GLCE: variants seen among roughly 807,000 people sequenced by gnomAD.
The protein encoded by GLCE is D-glucuronyl C5-epimerase.
Under a neutral mutation model 47.9 loss-of-function variants are expected in GLCE, and 19 were observed. The observed-to-expected ratio is 0.40, with a 90% CI of 0.28 to 0.58. GLCE has a LOEUF of 0.58. GLCE is among the 20% of genes least tolerant of loss of function. The pLI, the probability that GLCE is intolerant of heterozygous loss-of-function variation, is 0.48. For synonymous variants in GLCE, 245 were observed against 263.4 expected (o/e 0.93, Z 0.68); for missense variants, 556 against 743.3 (o/e 0.75, Z 2.93).
rs1468265565 is a variant in GLCE, at chr15:69,256,184, C to A, written c.378C>A (p.Val126=). 1.9e-6 allele frequency: 3 copies of A among 1,613,972 alleles called. No homozygotes were observed. In the Admixed American group the frequency reaches 5.0e-5, roughly 27 times the overall value. ...TIKGRREGNE[V]FLPFTWVEKY... ...AAGGGAGACGAGAGGGGAACGAAGT[C>A]TTTCTTCCATTCACTTGGGTTGAGA... is the stretch of plus-strand genomic sequence containing the variant. Residue 126 remains valine (V), a synonymous_variant, in exon 3 of 5, where the codon GTC becomes GTA. Transcript: ENST00000261858.
intron 2 of GLCE, among the ~76,000 whole-genome samples, chr15:69,234,529 T>G (rs1595772194): frequency 6.6e-6 from 1 of 152,062 alleles, no homozygotes; most frequent in South Asian, 2.1e-4. Context: ...AATGTATTGA[T>G]ATATATATAT....
chr15:69,221,153 A>G (rs1595763142), intron 2 of GLCE, among the ~76,000 whole-genome samples: 1 of 152,184 alleles, frequency 6.6e-6, no homozygotes, highest in African/African-American at 2.4e-5. Context: ...TGTTTTGATC[A>G]TTCTAACTTT....
Position 69,233,786 on chromosome 15 carries a change from G to A in GLCE, c.-13-22008G>A, listed in dbSNP as rs180817416. Reference sequence around the variant, plus strand: ...CATCTTAATTTCTTAATCAACATTTGCCACAATTTGAAACCTAGAGTTTAT... The same window carrying A: ...CATCTTAATTTCTTAATCAACATTTACCACAATTTGAAACCTAGAGTTTAT... On this transcript the variant is annotated intron_variant, in intron 2 of 4. Transcript: ENST00000261858. Among the ~76,000 whole-genome samples the A allele has an allele frequency of 1.8e-4, 27 of 152,194 alleles. No homozygotes were observed. The East Asian group carries it at 4.8e-3, about 27-fold the overall frequency.
intron 1 of GLCE, among the ~76,000 whole-genome samples, chr15:69,179,439 A>G (rs1486704301): frequency 6.6e-6 from 1 of 152,230 alleles, no homozygotes; most frequent in Non-Finnish European, 1.5e-5. Flanking sequence ...TGGACAATCC[A>G]AAGACTTTAT....
At chr15:69,262,818 TG>T (rs966679898) in intron 4 of GLCE, among the ~76,000 whole-genome samples, 1 of 152,120 alleles carries the variant, frequency 6.6e-6, no homozygotes, top group African/African-American at 2.4e-5. Flanking sequence ...TCCCTGTTGG[TG>T]GAAGCGTGCT....
intron 1 of GLCE, among the ~76,000 whole-genome samples, chr15:69,202,382 T>G (rs1330433929): frequency 6.6e-6 from 1 of 152,122 alleles, no homozygotes; most frequent in Non-Finnish European, 1.5e-5. Context: ...TAGATAGACT[T>G]TTAAAATAAT....
At chr15:69,193,810 C>A (rs182512619) in intron 1 of GLCE, among the ~76,000 whole-genome samples, 1 of 152,192 alleles carries the variant, frequency 6.6e-6, no homozygotes, top group African/African-American at 2.4e-5. Flanking sequence ...ACTGGATATT[C>A]CAGACTAAGA....
chr15:69,179,932 A>G (rs1213011818), intron 1 of GLCE, among the ~76,000 whole-genome samples: 2 of 152,206 alleles, frequency 1.3e-5, no homozygotes, highest in Admixed American at 1.3e-4. Flanking sequence ...GGTTGCAGTG[A>G]GCTGTGAATG....
chr15:69,243,702 A>G lies in GLCE; in HGVS notation c.-13-12092A>G, dbSNP rs2052707192. 3.3e-5 allele frequency among the ~76,000 whole-genome samples: 5 copies of G among 152,196 alleles called. No individual in the cohort carries two copies. In the South Asian group the frequency reaches 1.0e-3, roughly 32 times the overall value. On this transcript the variant is annotated intron_variant, in intron 2 of 4. Transcript: ENST00000261858. ...ATTATATGTTCTTGCCAGAAATTAA[A>G]CTAAGTAGAAAAAAAAAAGTTAAAG...
intron 2 of GLCE, among the ~76,000 whole-genome samples, chr15:69,226,335 A>G (rs1485636703): frequency 2.0e-5 from 3 of 152,208 alleles, no homozygotes; most frequent in Non-Finnish European, 4.4e-5. Flanking sequence ...TGAGTACTTT[A>G]TTAAGTTAAA....
intron 2 of GLCE, among the ~76,000 whole-genome samples, chr15:69,218,079 A>G (rs1359755851): frequency 1.4e-5 from 2 of 146,990 alleles, no homozygotes; most frequent in African/African-American, 2.5e-5. Flanking sequence ...AATTGAACTC[A>G]GGAGGCGGAG....
Position 69,256,194 on chromosome 15 carries a change from T to G in GLCE, c.388T>G (p.Phe130Val). The G allele has an allele frequency of 6.2e-7, 1 of 1,614,144 alleles. No homozygotes were observed. The highest frequency in any genetic ancestry group is 8.5e-7 in the Non-Finnish European group (1 of 1,180,004). The change falls in exon 3 of 5, where the codon TTC becomes GTC. Residue 130 changes from phenylalanine (F) to valine (V), a missense_variant. This residue lies in a region of GLCE where 237 missense variants were observed against 310.9 expected (regional missense o/e 0.76). Coordinates refer to ENST00000261858, the MANE Select transcript of GLCE (RefSeq NM_015554.3). ...AGAGGGGAACGAAGTCTTTCTTCCATTCACTTGGGTTGAGAAATATTTTGA... is the reference window on the plus strand; with the variant it reads ...AGAGGGGAACGAAGTCTTTCTTCCAGTCACTTGGGTTGAGAAATATTTTGA... The part of the protein sequence containing the change: ...RREGNEVFLP[F>V]TWVEKYFDVY...
At chr15:69,205,087 C>T (rs2052131843) in intron 1 of GLCE, among the ~76,000 whole-genome samples, 1 of 151,826 alleles carries the variant, frequency 6.6e-6, no homozygotes, top group African/African-American at 2.4e-5. Flanking sequence ...TTTATCTAAC[C>T]ACCATCACAG....
At chr15:69,234,682 C>A (rs1433547933) in intron 2 of GLCE, among the ~76,000 whole-genome samples, 1 of 152,136 alleles carries the variant, frequency 6.6e-6, no homozygotes, top group Non-Finnish European at 1.5e-5. Context: ...AGTATCTACA[C>A]CCTTTGATCA....
chr15:69,262,375 A>C (rs1252029156), intron 4 of GLCE, among the ~76,000 whole-genome samples: 1 of 152,226 alleles, frequency 6.6e-6, no homozygotes, highest in Non-Finnish European at 1.5e-5. Context: ...GAGAAAGTAC[A>C]ACTAAATTTT....
chr15:69,166,418 A>G (rs1304242501), intron 1 of GLCE, among the ~76,000 whole-genome samples: 1 of 152,206 alleles, frequency 6.6e-6, no homozygotes, highest in Non-Finnish European at 1.5e-5. Context: ...AGTAGGTTGT[A>G]AAGTTTATCC....
chr15:69,186,890 G>T (rs1226911752), intron 1 of GLCE, among the ~76,000 whole-genome samples: 2 of 151,782 alleles, frequency 1.3e-5, no homozygotes, highest in East Asian at 3.9e-4. Context: ...TCCTTTCTTG[G>T]AATATCATTC....
At chr15:69,177,162 G>A (rs2051680058) in intron 1 of GLCE, among the ~76,000 whole-genome samples, 1 of 151,952 alleles carries the variant, frequency 6.6e-6, no homozygotes, top group South Asian at 2.1e-4. Flanking sequence ...TGGGATTATA[G>A]GCATGCGCCA....
intron 1 of GLCE, among the ~76,000 whole-genome samples, chr15:69,195,672 A>G (rs1402324527): frequency 1.3e-5 from 2 of 152,144 alleles, no homozygotes; most frequent in African/African-American, 4.8e-5. Context: ...GGGAATGCAA[A>G]CTAATTTAAT....
Sources: gnomAD v4.1 joint callset for allele counts (sites outside exome capture counted in the v4.1 genomes callset) on GRCh38, gnomAD v4.1.1 for gene constraint, gnomAD v4.1.1 regional missense constraint, MANE v1.5 for transcripts, NCBI Gene and HGNC (gene_info 2026-07-23, HGNC 2026-07-21) for gene names.